MRGPRX4: variants seen among roughly 807,000 people sequenced by gnomAD.
MRGPRX4 encodes the protein MAS related GPR family member X4.
Under a neutral mutation model 17.8 loss-of-function variants are expected in MRGPRX4, and 13 were observed. The observed-to-expected ratio is 0.73, with a 90% CI of 0.48 to 1.16. The LOEUF (loss-of-function observed/expected upper bound fraction) is 1.16. Among genes scored for constraint, MRGPRX4 ranks in the 50% most tolerant of loss-of-function variants. The probability of loss-of-function intolerance (pLI) is 0.00; values close to 1 mark genes in which losing one functional copy is unlikely to be tolerated. For synonymous variants in MRGPRX4, 192 were observed against 175.3 expected, an observed-to-expected ratio of 1.10 and a Z score of -0.75; for missense variants, 399 against 405.0, an observed-to-expected ratio of 0.99 and a Z score of 0.13.
the MRGPRX4 span, chr11:18,174,146 AC>A: frequency 1.2e-6 from 2 of 1,614,208 alleles, no homozygotes. Context: ...GCTCTGCAGG[AC>A]AAGCCTGAGG....
In MRGPRX4 at chr11:18,173,113, T is replaced by G; in HGVS notation, c.-144T>G. ...ACCCCCACCTTTGGTAAGTGACTTA[T>G]TATCTGCGAGCCTCTGTTTCTCTCT... On this transcript the variant is annotated 5_prime_UTR_variant, in exon 1 of 1. Coordinates refer to ENST00000314254, the MANE Select transcript of MRGPRX4 (RefSeq NM_054032.3). The G allele has an allele frequency of 8.7e-7, 1 of 1,147,604 alleles. No individual in the cohort carries two copies. Among genetic ancestry groups the G allele is most frequent in the Non-Finnish European group, 1.2e-6 (1 of 806,508 alleles). 71.1% of individuals were successfully genotyped at this position (1,147,604 alleles called of 1,614,324 possible).
Position 18,173,854 on chromosome 11 carries a change from G to A in MRGPRX4, c.598G>A (p.Val200Ile), listed in dbSNP as rs762588610. ...VLCVSSLVLL[V>I]RILCGSRKMP... is the part of the protein sequence containing the mutation. Reference sequence around the variant, plus strand: ...CTGTGTTTCCAGCCTGGTCCTGCTGGTCAGGATCCTCTGTGGATCCCGGAA... The same window carrying A: ...CTGTGTTTCCAGCCTGGTCCTGCTGATCAGGATCCTCTGTGGATCCCGGAA... The change falls in exon 1 of 1, where the codon GTC becomes ATC. Residue 200 changes from valine (V) to isoleucine (I), a missense_variant. Coordinates refer to ENST00000314254, the MANE Select transcript of MRGPRX4 (RefSeq NM_054032.3). 1.7e-5 allele frequency: 27 copies of A among 1,614,046 alleles called. No individual in the cohort carries two copies. The highest frequency in any genetic ancestry group is 2.7e-5 in the African/African-American group (2 of 74,904).
At position 18,173,665 on chromosome 11, in the gene MRGPRX4, C is replaced by T; in HGVS notation, c.409C>T (p.His137Tyr). 6.2e-7 allele frequency: 1 copy of T among 1,614,210 alleles called. No homozygotes were observed. Among genetic ancestry groups the T allele is most frequent in the Non-Finnish European group, 8.5e-7 (1 of 1,180,050 alleles). ...PIWYRCRRPT[H>Y]LSAVVCVLLW... Reference sequence around the variant, plus strand: ...CTGGTACCGCTGCCGCCGCCCCACACACCTGTCAGCGGTCGTGTGTGTCCT... The same window carrying T: ...CTGGTACCGCTGCCGCCGCCCCACATACCTGTCAGCGGTCGTGTGTGTCCT... Residue 137 changes from histidine (H) to tyrosine (Y), a missense_variant, in exon 1 of 1, where the codon CAC (histidine) becomes TAC (tyrosine). Coordinates refer to ENST00000314254, the MANE Select transcript of MRGPRX4 (RefSeq NM_054032.3).
In MRGPRX4 at chr11:18,173,385, A is replaced by G. The variant is rs61733596; in HGVS notation, c.129A>G (p.Thr43=). The G allele has an allele frequency of 4.2e-3, 6,843 of 1,614,150 alleles. 270 individuals carry two copies. In the African/African-American group the frequency reaches 0.08, roughly 19 times the overall value. Residue 43 remains threonine (T), a synonymous_variant, in exon 1 of 1, where the codon ACA becomes ACG. Transcript: ENST00000314254. ...LTCIISLVGL[T]GNAVVLWLLG... is the part of the protein sequence containing the mutation. ...GCATCATTTCCCTTGTCGGACTGAC[A>G]GGAAACGCGGTTGTGCTCTGGCTCC...
rs746305067 is a variant in MRGPRX4, at chr11:18,173,565, C to T, written c.309C>T (p.Thr103=). 3 of 1,614,058 alleles carry T rather than the reference C, an allele frequency of 1.9e-6. No individual in the cohort carries two copies. The highest frequency in any genetic ancestry group is 2.5e-6 in the Non-Finnish European group (3 of 1,180,036). Residue 103 remains threonine, a synonymous_variant, in exon 1 of 1, where the codon ACC becomes ACT. Transcript: ENST00000314254. ...GCAAAATCCTCGTTTCTGTGATGACCTTTCCCTACTTTACAGGCCTGAGTA... is the reference window on the plus strand; with the variant it reads ...GCAAAATCCTCGTTTCTGTGATGACTTTTCCCTACTTTACAGGCCTGAGTA... The part of the protein sequence containing the change: ...LIRKILVSVM[T]FPYFTGLSML...
In MRGPRX4 at chr11:18,173,471, A is replaced by G. The variant is rs1849340669; in HGVS notation, c.215A>G (p.Asp72Gly). The G allele has an allele frequency of 6.2e-7, 1 of 1,614,028 alleles. No individual in the cohort carries two copies. Among genetic ancestry groups the G allele is most frequent in the Non-Finnish European group, 8.5e-7 (1 of 1,180,020 alleles). ...SIYILNLAAA[D>G]FLFLSFQIIR... ...TACATCCTCAACCTGGCCGCAGCAGACTTCCTCTTCCTCAGCTTCCAGATT... is the reference window on the plus strand; with the variant it reads ...TACATCCTCAACCTGGCCGCAGCAGGCTTCCTCTTCCTCAGCTTCCAGATT... The change falls in exon 1 of 1, where the codon GAC becomes GGC. Residue 72 changes from aspartate to glycine, a missense_variant. Transcript: ENST00000314254.
At chr11:18,174,219 GCC>G in the MRGPRX4 span, 5 of 1,611,420 alleles carry the variant, frequency 3.1e-6, no homozygotes, top group Middle Eastern at 1.6e-4. Context: ...GCAGATTGGG[GCC>G]ATGAGGGAGA....
chr11:18,173,024 G>A lies in MRGPRX4; in HGVS notation c.-233G>A, dbSNP rs1849334721. On this transcript the variant is annotated 5_prime_UTR_variant, in exon 1 of 1. It adds an upstream start codon to the 5' untranslated region. Transcript: ENST00000314254. ...ATTCCCATGTCAGCACAGAACTTGT[G>A]TGGCAGTAGAGAGATGTCAGGCTTC... The A allele has an allele frequency of 5.5e-6, 3 of 544,814 alleles. No individual in the cohort carries two copies. The highest frequency in any genetic ancestry group is 9.7e-6 in the Non-Finnish European group (3 of 308,540). 33.7% of individuals were successfully genotyped at this position (544,814 alleles called of 1,614,324 possible).
At chr11:18,173,537 TC>T in the MRGPRX4 span, 2 of 1,614,096 alleles carry the variant, frequency 1.2e-6, no homozygotes, top group South Asian at 2.2e-5. Context: ...AGCCATCTCA[TC>T]CGCAAAATCC....
chr11:18,173,517 C>A lies in MRGPRX4; in HGVS notation c.261C>A (p.Leu87=). The change falls in exon 1 of 1, where the codon CTC becomes CTA. Residue 87 remains leucine (L), a synonymous_variant. Transcript: ENST00000314254. ...AGATTATACGTTTGCCATTACGCCT[C>A]ATCAATATCAGCCATCTCATCCGCA... The part of the protein sequence containing the change: ...SFQIIRLPLR[L]INISHLIRKI... The A allele has an allele frequency of 1.2e-6, 2 of 1,614,148 alleles. No homozygotes were observed. Among genetic ancestry groups the A allele is most frequent in the Non-Finnish European group, 1.7e-6 (2 of 1,180,014 alleles).
At position 18,174,159 on chromosome 11, in the gene MRGPRX4, G is replaced by A; in HGVS notation, c.903G>A (p.Val301=). 6.2e-7 allele frequency: 1 copy of A among 1,614,212 alleles called. No individual in the cohort carries two copies. The highest frequency in any genetic ancestry group is 1.1e-5 in the South Asian group (1 of 91,080). ...LQRALQDKPE[V]DKGEGQLPEE... is the part of the protein sequence containing the mutation. ...GGGCTCTGCAGGACAAGCCTGAGGT[G>A]GATAAAGGTGAAGGGCAGCTTCCTG... The change falls in exon 1 of 1, where the codon GTG becomes GTA. Residue 301 remains valine (V), a synonymous_variant. Coordinates refer to ENST00000314254, the MANE Select transcript of MRGPRX4 (RefSeq NM_054032.3).
chr11:18,173,890 A>C lies in MRGPRX4; in HGVS notation c.634A>C (p.Thr212Pro), dbSNP rs1418486358. ...ILCGSRKMPL[T>P]RLYVTILLTV... The stretch of plus-strand genomic sequence containing the variant: ...CTGTGGATCCCGGAAGATGCCGCTG[A>C]CCAGGCTGTACGTGACCATCCTGCT... The change falls in exon 1 of 1, where the codon ACC (threonine) becomes CCC (proline). Residue 212 changes from threonine (T) to proline (P), a missense_variant. By Grantham distance (38) the Thr-to-Pro change is conservative. Transcript: ENST00000314254. 6.2e-7 allele frequency: 1 copy of C among 1,614,074 alleles called. No homozygotes were observed. Among genetic ancestry groups the C allele is most frequent in the Non-Finnish European group, 8.5e-7 (1 of 1,179,980 alleles).
Position 18,174,192 on chromosome 11 carries a change from C to T in MRGPRX4, c.936C>T (p.Ser312=). ...GTGAAGGGCAGCTTCCTGAGGAAAG[C>T]CTGGAGCTGTCGGGAAGCAGATTGG... ...DKGEGQLPEE[S]LELSGSRLGP Residue 312 remains serine (S), a synonymous_variant, in exon 1 of 1, where the codon AGC becomes AGT. Coordinates refer to ENST00000314254, the MANE Select transcript of MRGPRX4 (RefSeq NM_054032.3). The T allele has an allele frequency of 6.2e-7, 1 of 1,613,842 alleles. No individual in the cohort carries two copies. Among genetic ancestry groups the T allele is most frequent in the Middle Eastern group, 1.6e-4 (1 of 6,062 alleles).
rs781091463 is a variant in MRGPRX4 at position 18,173,244 on chromosome 11, A to G, written c.-13A>G. The G allele has an allele frequency of 3.2e-6, 5 of 1,578,916 alleles. No homozygotes were observed. The highest frequency in any genetic ancestry group is 1.3e-5 in the African/African-American group (1 of 74,246). Reference sequence around the variant, plus strand: ...TTTGTGTTCCCAGGGGCACCAGACTAGGGTTTCTGAGCATGGATCCAACCG... The same window carrying G: ...TTTGTGTTCCCAGGGGCACCAGACTGGGGTTTCTGAGCATGGATCCAACCG... On this transcript the variant is annotated 5_prime_UTR_variant, in exon 1 of 1. Transcript: ENST00000314254.
chr11:18,173,603 T>C lies in MRGPRX4; in HGVS notation c.347T>C (p.Ile116Thr). Residue 116 changes from isoleucine (I) to threonine (T), a missense_variant, in exon 1 of 1, where the codon ATC becomes ACC. Ile to Thr is a moderately conservative substitution (Grantham distance 89, BLOSUM62 -1). Transcript: ENST00000314254. The stretch of plus-strand genomic sequence containing the variant: ...ACAGGCCTGAGTATGCTGAGCGCCA[T>C]CAGCACCGAGCGCTGCCTGTCTGTT... ...YFTGLSMLSA[I>T]STERCLSVLW... The C allele has an allele frequency of 6.2e-7, 1 of 1,614,180 alleles. No homozygotes were observed. The highest frequency in any genetic ancestry group is 1.1e-5 in the South Asian group (1 of 91,080).
Position 18,173,309 on chromosome 11 carries a change from G to A in MRGPRX4, c.53G>A (p.Arg18His), listed in dbSNP as rs765447552. The change falls in exon 1 of 1, where the codon CGT becomes CAT. Residue 18 changes from arginine (R) to histidine (H), a missense_variant. By Grantham distance (29) the Arg-to-His change is conservative. Transcript: ENST00000314254. ...ACAAAACTGACACCAATCAACGGAC[G>A]TGAGGAGACTCCTTGCTACAATCAG... ...FGTKLTPINGREETPCYNQTL... is the reference protein window; with the variant it reads ...FGTKLTPINGHEETPCYNQTL... The A allele has an allele frequency of 2.5e-6, 4 of 1,613,896 alleles. No homozygotes were observed. The Admixed American group carries it at 5.0e-5, about 20-fold the overall frequency.
Position 18,173,255 on chromosome 11 carries a change from G to A in MRGPRX4, c.-2G>A. ...AGGGGCACCAGACTAGGGTTTCTGAGCATGGATCCAACCGTCCCAGTCTTC... is the reference window on the plus strand; with the variant it reads ...AGGGGCACCAGACTAGGGTTTCTGAACATGGATCCAACCGTCCCAGTCTTC... On this transcript the variant is annotated 5_prime_UTR_variant, in exon 1 of 1. Transcript: ENST00000314254. 1 of 1,588,940 alleles carries A rather than the reference G, an allele frequency of 6.3e-7. No individual in the cohort carries two copies. Among genetic ancestry groups the A allele is most frequent in the Non-Finnish European group, 8.6e-7 (1 of 1,166,692 alleles).
chr11:18,173,888 T>C lies in MRGPRX4; in HGVS notation c.632T>C (p.Leu211Pro). 3 of 1,614,170 alleles carry C rather than the reference T, an allele frequency of 1.9e-6. No individual in the cohort carries two copies. The highest frequency in any genetic ancestry group is 2.7e-5 in the African/African-American group (2 of 75,048). ...RILCGSRKMP[L>P]TRLYVTILLT... Reference sequence around the variant, plus strand: ...CTCTGTGGATCCCGGAAGATGCCGCTGACCAGGCTGTACGTGACCATCCTG... The same window carrying C: ...CTCTGTGGATCCCGGAAGATGCCGCCGACCAGGCTGTACGTGACCATCCTG... The change falls in exon 1 of 1, where the codon CTG (leucine) becomes CCG (proline). Residue 211 changes from leucine to proline, a missense_variant. Physicochemically the swap from Leu to Pro is moderately conservative, Grantham distance 98. Coordinates refer to ENST00000314254, the MANE Select transcript of MRGPRX4 (RefSeq NM_054032.3).
rs1385546799 is a variant in MRGPRX4, at chr11:18,174,079, G to A, written c.823G>A (p.Val275Met). 1.4e-5 allele frequency: 23 copies of A among 1,614,098 alleles called. No homozygotes were observed. The highest frequency in any genetic ancestry group is 1.8e-5 in the Non-Finnish European group (21 of 1,180,040). The change falls in exon 1 of 1, where the codon GTG becomes ATG. Residue 275 changes from valine (V) to methionine (M), a missense_variant. Transcript: ENST00000314254. ...SSANPIIYFF[V>M]GSFRQRQNRQ... ...TGCCAACCCCATCATTTACTTCTTCGTGGGCTCCTTTAGGCAGCGTCAAAA... is the reference window on the plus strand; with the variant it reads ...TGCCAACCCCATCATTTACTTCTTCATGGGCTCCTTTAGGCAGCGTCAAAA...
Sources: allele counts gnomAD v4.1 joint callset, GRCh38; gene constraint gnomAD v4.1.1; transcripts MANE v1.5; gene names NCBI Gene and HGNC (gene_info 2026-07-23, HGNC 2026-07-21).